LRBA: variants seen among roughly 807,000 people sequenced by gnomAD.
LRBA encodes the protein LPS responsive beige-like anchor protein, also known as lipopolysaccharide-responsive and beige-like anchor protein.
In LRBA, 176 loss-of-function variants were observed where a neutral mutation model predicts 330.0. That is an observed-to-expected ratio of 0.53 (90% CI 0.47 to 0.60). The LOEUF (loss-of-function observed/expected upper bound fraction) is 0.60. Ranked by LOEUF, LRBA falls within the 20% of genes least tolerant of loss-of-function variation. The pLI, the probability that LRBA is intolerant of heterozygous loss-of-function variation, is 0.00. For missense variants in LRBA, 3,259 were observed against 3,444.8 expected (o/e 0.95, Z 1.35); for synonymous variants, 1,230 against 1,193.0 (o/e 1.03, Z -0.64).
chr4:150,909,166 A>G (rs781517091), intron 9 of LRBA, among the ~76,000 whole-genome samples: 1 of 152,184 alleles, frequency 6.6e-6, no homozygotes, highest in Non-Finnish European at 1.5e-5. Context: ...CATCTTAAGT[A>G]TTTTTAAGTG....
At chr4:150,996,802 G>A (rs530159410) in intron 2 of LRBA, among the ~76,000 whole-genome samples, 1 of 152,154 alleles carries the variant, frequency 6.6e-6, no homozygotes, top group Non-Finnish European at 1.5e-5. Flanking sequence ...CAAACAACCT[G>A]AGTCCAAATG....
chr4:150,411,799 A>G (rs1747047892), intron 47 of LRBA, among the ~76,000 whole-genome samples: 1 of 152,242 alleles, frequency 6.6e-6, no homozygotes, highest in South Asian at 2.1e-4. Flanking sequence ...GAACCCGATT[A>G]GCACCACAAA....
chr4:150,749,739 C>T (rs781348084), intron 35 of LRBA, among the ~76,000 whole-genome samples: 8 of 152,096 alleles, frequency 5.3e-5, no homozygotes, highest in African/African-American at 7.2e-5. Flanking sequence ...AACAGAGAGA[C>T]GCTGCCTGTC....
intron 44 of LRBA, among the ~76,000 whole-genome samples, chr4:150,445,195 G>A (rs1752427698): frequency 6.6e-6 from 1 of 151,934 alleles, no homozygotes; most frequent in African/African-American, 2.4e-5. Context: ...GTCATTAGTG[G>A]CATACATGTC....
At chr4:150,545,950 T>C (rs1765813025) in intron 40 of LRBA, among the ~76,000 whole-genome samples, 3 of 152,016 alleles carry the variant, frequency 2.0e-5, no homozygotes, top group Admixed American at 2.0e-4. Flanking sequence ...CTTTTTCCTA[T>C]CCATTTGGGC....
chr4:150,794,767 CCAGTCCAGACTA>C (rs1307438831), intron 34 of LRBA, among the ~76,000 whole-genome samples: 1 of 152,034 alleles, frequency 6.6e-6, no homozygotes, highest in Non-Finnish European at 1.5e-5. Flanking sequence ...AGACAGGATG[CCAGTCCAGACTA>C]CATGGTGCTT....
intron 13 of LRBA, 40 bp downstream of exon 13, chr4:150,905,798 A>C: frequency 1.3e-6 from 2 of 1,517,800 alleles, no homozygotes; most frequent in Non-Finnish European, 1.8e-6. Context: ...CAAAAACAGC[A>C]AAGATAGTAA....
intron 34 of LRBA, among the ~76,000 whole-genome samples, chr4:150,771,723 A>G (rs1030115463): frequency 6.6e-6 from 1 of 152,182 alleles, no homozygotes; most frequent in Non-Finnish European, 1.5e-5. Flanking sequence ...TTTGACACTC[A>G]GCAGTGGCCA....
At chr4:150,707,666 C>T (rs925352154) in intron 36 of LRBA, among the ~76,000 whole-genome samples, 3 of 151,644 alleles carry the variant, frequency 2.0e-5, no homozygotes, top group African/African-American at 7.2e-5. Context: ...CAAACTATGA[C>T]ACTGAACAGT....
At chr4:150,319,557 T>C (rs1732202889) in intron 50 of LRBA, among the ~76,000 whole-genome samples, 1 of 152,162 alleles carries the variant, frequency 6.6e-6, no homozygotes, top group Admixed American at 6.5e-5. Context: ...TTCATAAATA[T>C]TTACTTCTGT....
At chr4:150,635,301 G>T (rs1777783141) in intron 37 of LRBA, among the ~76,000 whole-genome samples, 1 of 152,184 alleles carries the variant, frequency 6.6e-6, no homozygotes, top group Non-Finnish European at 1.5e-5. Context: ...CTTTACTCCA[G>T]ATTTTTCTCA....
intron 4 of LRBA, among the ~76,000 whole-genome samples, chr4:150,928,213 C>T (rs1409797491): frequency 6.6e-6 from 1 of 152,178 alleles, no homozygotes; most frequent in Non-Finnish European, 1.5e-5. Context: ...GTAGGTACTA[C>T]TACCTAATAC....
At chr4:150,673,488 A>G (rs1353510359) in intron 37 of LRBA, among the ~76,000 whole-genome samples, 1 of 152,212 alleles carries the variant, frequency 6.6e-6, no homozygotes, top group Non-Finnish European at 1.5e-5. Context: ...TTTTCCCAGC[A>G]AAAGTTAAAA....
chr4:150,664,891 T>TA lies in LRBA; in HGVS notation c.5921+18659dup, dbSNP rs576888963. Among the ~76,000 whole-genome samples, 529 of 152,312 alleles carry TA rather than the reference T, an allele frequency of 3.5e-3. 2 individuals carry two copies. Among genetic ancestry groups the TA allele is most frequent in the Middle Eastern group, 0.014 (4 of 294 alleles). On this transcript the variant is annotated intron_variant, in intron 37 of 56. Coordinates refer to ENST00000651943, the MANE Select transcript of LRBA (RefSeq NM_001364905.1). ...CATAAGTTGAGAACTTTTTGAGACATAACTCACATATAATTTTATGAGTTT... is the reference window on the plus strand; with the variant it reads ...CATAAGTTGAGAACTTTTTGAGACATAAACTCACATATAATTTTATGAGTTT...
At chr4:150,801,602 T>C (rs978384499) in intron 33 of LRBA, among the ~76,000 whole-genome samples, 3 of 152,228 alleles carry the variant, frequency 2.0e-5, no homozygotes, top group Non-Finnish European at 2.9e-5. Flanking sequence ...ACTTAGAAAC[T>C]GTATCAAGTA....
chr4:150,872,861 T>C (rs1753594530), intron 17 of LRBA, 106 bp from the exon 18 acceptor site: 1 of 505,330 alleles, frequency 2.0e-6, no homozygotes, highest in Non-Finnish European at 3.4e-6. Flanking sequence ...TCAAATAATA[T>C]GGAAGGAAAT....
chr4:150,666,490 G>A (rs1329189309), intron 37 of LRBA, among the ~76,000 whole-genome samples: 2 of 151,700 alleles, frequency 1.3e-5, no homozygotes, highest in African/African-American at 2.4e-5. Flanking sequence ...CTCCAGCCTG[G>A]GCAACAGAGT....
chr4:150,491,050 A>C lies in LRBA; in HGVS notation c.6331-15T>G, dbSNP rs759872226. The C allele has an allele frequency of 2.3e-6, 3 of 1,332,640 alleles. No individual in the cohort carries two copies. The African/African-American group carries it at 4.3e-5, about 19-fold the overall frequency. The allele number at this position is 1,332,640 out of a possible 1,614,324, so 82.6% of individuals were successfully genotyped here. On this transcript the variant is annotated splice_polypyrimidine_tract_variant and intron_variant, in intron 40 of 56. Coordinates refer to ENST00000651943, the MANE Select transcript of LRBA (RefSeq NM_001364905.1). The stretch of plus-strand genomic sequence containing the variant: ...TATGCCAAGATCTAATGAGGAAAAA[A>C]ATAATCCCAGGTAAGTAACAATACT...
Position 150,583,615 on chromosome 4 carries a change from G to C in LRBA, c.6330+4433C>G. The C allele has an allele frequency of 6.2e-7, 1 of 1,613,954 alleles. No individual in the cohort carries two copies. The highest frequency in any genetic ancestry group is 8.5e-7 in the Non-Finnish European group (1 of 1,180,008). On this transcript the variant is annotated intron_variant, in intron 40 of 56. Transcript: ENST00000651943. This position sits in a 1 kb window ranked among gnomAD's most constrained non-coding sequence, Gnocchi z 9.8. Reference sequence around the variant, plus strand: ...GCCTATGCCCCACATCCCTTGGCCCGGCCCCAATCGGGTGGCCGAGGTCAA... The same window carrying C: ...GCCTATGCCCCACATCCCTTGGCCCCGCCCCAATCGGGTGGCCGAGGTCAA...
Sources: gnomAD v4.1 joint callset for allele counts (sites outside exome capture counted in the v4.1 genomes callset) on GRCh38, gnomAD v4.1.1 for gene constraint, Gnocchi (gnomAD v3.1) non-coding constraint, MANE v1.5 for transcripts, NCBI Gene and HGNC (gene_info 2026-07-23, HGNC 2026-07-21) for gene names.